Variants in LMCD1 observed in about 807,000 individuals in gnomAD.
LMCD1 encodes the protein LIM and cysteine-rich domains protein 1.
LMCD1 carries 32 observed loss-of-function variants against 42.7 expected under a neutral mutation model. The observed-to-expected ratio is 0.75, with a 90% confidence interval of 0.57 to 1.01. The LOEUF (loss-of-function observed/expected upper bound fraction) is 1.01, where lower values mean the gene tolerates loss of function less well. LMCD1 is among the 50% of genes least tolerant of loss of function. LMCD1 has a pLI of 0.00. For missense variants in LMCD1, 458 were observed against 483.1 expected, an observed-to-expected ratio of 0.95 and a Z score of 0.49; for synonymous variants, 178 against 184.9, an observed-to-expected ratio of 0.96 and a Z score of 0.30.
chr3:8,560,787 C>T (rs1170049712), intron 4 of LMCD1, among the ~76,000 whole-genome samples: 1 of 152,154 alleles, frequency 6.6e-6, no homozygotes, highest in Non-Finnish European at 1.5e-5. Flanking sequence ...TGAAGAGGAA[C>T]AGGGTTTTCA....
At chr3:8,551,997 C>A (rs988911407) in intron 4 of LMCD1, among the ~76,000 whole-genome samples, 3 of 152,140 alleles carry the variant, frequency 2.0e-5, no homozygotes, top group Non-Finnish European at 4.4e-5. Context: ...CCTGACACCC[C>A]AAAACCGAAC....
At chr3:8,552,221 C>G (rs1012913995) in intron 4 of LMCD1, among the ~76,000 whole-genome samples, 4 of 152,158 alleles carry the variant, frequency 2.6e-5, no homozygotes, top group African/African-American at 9.7e-5. Context: ...GGCTGTGCCT[C>G]CCCAGGCTGC....
At chr3:8,565,357 G>T in intron 4 of LMCD1, 75 bp from the exon 5 acceptor site, 1 of 1,317,638 alleles carries the variant, frequency 7.6e-7, no homozygotes, top group Non-Finnish European at 1.1e-6. Context: ...AGAAAGGCTG[G>T]AGCTGGAATT....
intron 1 of LMCD1, among the ~76,000 whole-genome samples, chr3:8,511,085 C>T (rs1222546717): frequency 6.6e-6 from 1 of 152,186 alleles, no homozygotes; most frequent in African/African-American, 2.4e-5. Context: ...TCGAACAAGT[C>T]ATATTAGTTC....
Position 8,537,400 on chromosome 3 carries a change from T to A in LMCD1, c.347T>A (p.Ile116Asn). The A allele has an allele frequency of 6.2e-7, 1 of 1,608,714 alleles. No homozygotes were observed. Among genetic ancestry groups the A allele is most frequent in the Non-Finnish European group, 8.5e-7 (1 of 1,175,716 alleles). The change falls in exon 3 of 6, where the codon ATC becomes AAC. Residue 116 changes from isoleucine to asparagine, a missense_variant. Transcript: ENST00000157600. ...ATGKDPTFDTITYEWAPPGVT... is the reference protein window; with the variant it reads ...ATGKDPTFDTNTYEWAPPGVT... Reference sequence around the variant, plus strand: ...GGGAAAGATCCCACTTTTGACACCATCACCTACGAGTGGGCTCCCCCTGGA... The same window carrying A: ...GGGAAAGATCCCACTTTTGACACCAACACCTACGAGTGGGCTCCCCCTGGA...
chr3:8,564,642 G>A (rs1695096141), intron 4 of LMCD1, among the ~76,000 whole-genome samples: 1 of 152,132 alleles, frequency 6.6e-6, no homozygotes, highest in Non-Finnish European at 1.5e-5. Flanking sequence ...CAAAGTGCAA[G>A]GTAAACAAAC....
chr3:8,549,763 G>C (rs573253995), intron 4 of LMCD1: 11 of 700,586 alleles, frequency 1.6e-5, no homozygotes, highest in Non-Finnish European at 2.6e-5. Flanking sequence ...GCTGCATCTG[G>C]TGAGGGACTT....
intron 1 of LMCD1, among the ~76,000 whole-genome samples, chr3:8,510,367 C>T (rs1693973318): frequency 6.6e-6 from 1 of 152,156 alleles, no homozygotes; most frequent in Non-Finnish European, 1.5e-5. Flanking sequence ...CAGAGGTCAG[C>T]ATCTGGGGGC....
intron 1 of LMCD1, among the ~76,000 whole-genome samples, chr3:8,506,519 G>C (rs770274502): frequency 9.9e-5 from 15 of 152,168 alleles, no homozygotes; most frequent in Non-Finnish European, 2.1e-4. Context: ...GAGTAGAGAA[G>C]TAAGGGAATA....
chr3:8,554,005 T>G (rs1694886003), intron 4 of LMCD1, among the ~76,000 whole-genome samples: 1 of 152,156 alleles, frequency 6.6e-6, no homozygotes, highest in African/African-American at 2.4e-5. Flanking sequence ...AAGGGGAAAC[T>G]GTGAGGCTGC....
At chr3:8,514,485 G>A (rs1694063152) in intron 1 of LMCD1, among the ~76,000 whole-genome samples, 1 of 152,136 alleles carries the variant, frequency 6.6e-6, no homozygotes, top group South Asian at 2.1e-4. Context: ...TATCCACTTT[G>A]TATTCCAACA....
At chr3:8,538,086 C>A (rs191403534) in intron 3 of LMCD1, among the ~76,000 whole-genome samples, 1 of 152,186 alleles carries the variant, frequency 6.6e-6, no homozygotes, top group African/African-American at 2.4e-5. Context: ...ATACCCAGGT[C>A]TCATCCCAGA....
chr3:8,515,614 C>A (rs1373289440), intron 1 of LMCD1, among the ~76,000 whole-genome samples: 1 of 152,108 alleles, frequency 6.6e-6, no homozygotes, highest in Non-Finnish European at 1.5e-5. Flanking sequence ...TGCCCTGGAA[C>A]CCTGGCACAT....
At chr3:8,536,787 G>C (rs1159967457) in intron 2 of LMCD1, among the ~76,000 whole-genome samples, 4 of 152,102 alleles carry the variant, frequency 2.6e-5, no homozygotes, top group Non-Finnish European at 4.4e-5. Flanking sequence ...TTAATGAGTG[G>C]TCATGGCTGT....
chr3:8,532,917 T>A, intron 2 of LMCD1, 92 bp downstream of exon 2: 1 of 1,016,978 alleles, frequency 9.8e-7, no homozygotes, highest in Non-Finnish European at 1.5e-6. Context: ...TGAGACTGCT[T>A]TGGTTGTATG....
At chr3:8,554,488 C>T (rs76135279) in intron 4 of LMCD1, among the ~76,000 whole-genome samples, 3 of 152,174 alleles carry the variant, frequency 2.0e-5, no homozygotes, top group Admixed American at 6.5e-5. Flanking sequence ...CTCTTATCTG[C>T]GTACTGAGAA....
rs184454133 is a variant in LMCD1 at position 8,568,478 on chromosome 3, C to G, written c.*880C>G. ...TGGGAAACCACTGAACAGGGGCCAC[C>G]TAAGCTCCACCAATGGGTGCCACAT... On this transcript the variant is annotated 3_prime_UTR_variant, in exon 6 of 6. Coordinates refer to ENST00000157600, the MANE Select transcript of LMCD1 (RefSeq NM_014583.4). The G allele has an allele frequency of 1.5e-3, 231 of 152,330 alleles. No homozygotes were observed. Among genetic ancestry groups the G allele is most frequent in the African/African-American group, 5.4e-3 (223 of 41,574 alleles). The allele number at this position is 152,330 out of a possible 1,614,324, so 9.4% of individuals were successfully genotyped here.
chr3:8,510,442 C>A (rs1311132971), intron 1 of LMCD1, among the ~76,000 whole-genome samples: 2 of 152,154 alleles, frequency 1.3e-5, no homozygotes, highest in Non-Finnish European at 2.9e-5. Flanking sequence ...TAGAGGACAG[C>A]CTTTTAACCT....
Position 8,548,866 on chromosome 3 carries a change from AC to A in LMCD1, c.687del (p.Asn229LysfsTer86). The part of the protein sequence containing the change: ...EGAETTAATT[N>X]GSLSDPSKEV... ...GCAGAGACCACTGCTGCTACCACCA[AC>A]GGCAGTCTCAGTGACCCGTCCAAAG... On this transcript the variant is annotated frameshift_variant, in exon 4 of 6. Transcript: ENST00000157600. LOFTEE classifies it high-confidence loss of function. The A allele has an allele frequency of 6.4e-7, 1 of 1,561,898 alleles. No homozygotes were observed. The highest frequency in any genetic ancestry group is 8.7e-7 in the Non-Finnish European group (1 of 1,149,600).
Sources: gnomAD v4.1 joint callset for allele counts (sites outside exome capture counted in the v4.1 genomes callset) on GRCh38, gnomAD v4.1.1 for gene constraint, MANE v1.5 for transcripts, NCBI Gene and HGNC (gene_info 2026-07-23, HGNC 2026-07-21) for gene names.